The following KCNQ1 variants were observed in gnomAD, a reference collection of about 807,000 sequenced individuals.
The protein encoded by KCNQ1 is potassium voltage-gated channel subfamily KQT member 1.
KCNQ1 carries 49 observed loss-of-function variants against 72.4 expected under a neutral mutation model. The ratio of observed to expected loss-of-function variants is 0.68; its 90% CI spans 0.54 to 0.86. The LOEUF is 0.86. Ranked by LOEUF, KCNQ1 falls within the 40% of genes least tolerant of loss-of-function variation. KCNQ1 has a pLI of 0.00. For missense variants in KCNQ1, 790 were observed against 945.1 expected (o/e 0.84, Z 2.15); for synonymous variants, 450 against 412.6 (o/e 1.09, Z -1.10).
Position 2,608,307 on chromosome 11 carries a change from T to G in KCNQ1, c.1393+19453T>G. Reference sequence around the variant, plus strand: ...TCTCTTTAACTTATTACAGATCCATTCACATTTTCTACTTATTTCTTAGTC... The same window carrying G: ...TCTCTTTAACTTATTACAGATCCATGCACATTTTCTACTTATTTCTTAGTC... On this transcript the variant is annotated intron_variant, in intron 10 of 15. Transcript: ENST00000155840. The surrounding 1 kb of genome is among the most constrained non-coding windows in gnomAD (Gnocchi z 4.6). 1 of 398,376 alleles carries G rather than the reference T, an allele frequency of 2.5e-6. No individual in the cohort carries two copies. Among genetic ancestry groups the G allele is most frequent in the Non-Finnish European group, 4.4e-6 (1 of 225,994 alleles). The allele number at this position is 398,376 out of a possible 1,614,324, so 24.7% of individuals were successfully genotyped here. A position where few individuals can be genotyped will look rare whatever the true frequency, so the allele number is the denominator to read the frequency against.
intron 15 of KCNQ1, among the ~76,000 whole-genome samples, chr11:2,840,987 CTCTGGGA>C (rs1017671838): frequency 2.0e-5 from 3 of 152,074 alleles, no homozygotes; most frequent in African/African-American, 7.3e-5. Flanking sequence ...AGGCTCCAGG[CTCTGGGA>C]GACTGTCTAG....
At chr11:2,806,427 C>T (rs953148035) in intron 15 of KCNQ1, among the ~76,000 whole-genome samples, 1 of 152,190 alleles carries the variant, frequency 6.6e-6, no homozygotes, top group Non-Finnish European at 1.5e-5. Context: ...GGCCACTGTG[C>T]CCAGTGAAGC....
intron 10 of KCNQ1, chr11:2,610,202 C>T (rs1848956358): frequency 5.0e-6 from 2 of 397,826 alleles, no homozygotes; most frequent in East Asian, 3.6e-5. Flanking sequence ...CTAGGGCTTA[C>T]CTTATGTATC....
intron 1 of KCNQ1, among the ~76,000 whole-genome samples, chr11:2,514,681 C>G (rs189358518): frequency 6.6e-6 from 1 of 152,316 alleles, no homozygotes; most frequent in East Asian, 1.9e-4. Context: ...AAAAAATTAG[C>G]CCGGCGTGGT....
rs147991756 is a variant in KCNQ1, at chr11:2,683,944, C to T, written c.1514+21863C>T. On this transcript the variant is annotated intron_variant, in intron 11 of 15. Coordinates refer to ENST00000155840, the MANE Select transcript of KCNQ1 (RefSeq NM_000218.3). This position sits in a 1 kb window ranked among gnomAD's most constrained non-coding sequence, Gnocchi z 4.7. Reference sequence around the variant, plus strand: ...GACACGTTTCATAGTCAGACAAAACCAGCTGACTGCTTTTACTTTTTTTTT... The same window carrying T: ...GACACGTTTCATAGTCAGACAAAACTAGCTGACTGCTTTTACTTTTTTTTT... The T allele has an allele frequency of 1.3e-3, 501 of 396,930 alleles. 2 individuals carry two copies. In the East Asian group the frequency reaches 0.016, roughly 12 times the overall value. The allele number at this position is 396,930 out of a possible 1,614,324, so 24.6% of individuals were successfully genotyped here.
rs1414388830 is a variant in KCNQ1, at chr11:2,464,331, T to G, written c.386+18847T>G. 6.6e-6 allele frequency among the ~76,000 whole-genome samples: 1 copy of G among 152,238 alleles called. No individual in the cohort carries two copies. The highest frequency in any genetic ancestry group is 1.5e-5 in the Non-Finnish European group (1 of 68,048). ...CATCTGAATTTTCTAATTAAAAATA[T>G]ATTGCTTTTTAAAAATAATAAAAGA... is the stretch of plus-strand genomic sequence containing the variant. On this transcript the variant is annotated intron_variant, in intron 1 of 15. Transcript: ENST00000155840. The surrounding 1 kb of genome is among the most constrained non-coding windows in gnomAD (Gnocchi z 5.0).
rs1239653974 is a variant in KCNQ1 at position 2,617,983 on chromosome 11, T to C, written c.1393+29129T>C. The stretch of plus-strand genomic sequence containing the variant: ...CAAATATTTTCTTCTAGTCCATAGG[T>C]TGCCTTTTCCTTTTGTTGACTGTTT... On this transcript the variant is annotated intron_variant, in intron 10 of 15. Transcript: ENST00000155840. This position sits in a 1 kb window ranked among gnomAD's most constrained non-coding sequence, Gnocchi z 4.6. 2 of 398,490 alleles carry C rather than the reference T, an allele frequency of 5.0e-6. No individual in the cohort carries two copies. The highest frequency in any genetic ancestry group is 8.8e-6 in the Non-Finnish European group (2 of 226,064). The allele number at this position is 398,490 out of a possible 1,614,324, so 24.7% of individuals were successfully genotyped here.
In KCNQ1 at chr11:2,544,258, ATGTG is replaced by A. The variant is rs1353910599; in HGVS notation, c.477+16250_477+16253del. ...TATATGTGTGTGTGTGTATATATAT[ATGTG>A]TGTGTGTGTATATATATGTGTATAT... On this transcript the variant is annotated intron_variant, in intron 2 of 15. Coordinates refer to ENST00000155840, the MANE Select transcript of KCNQ1 (RefSeq NM_000218.3). The surrounding 1 kb of genome is among the most constrained non-coding windows in gnomAD (Gnocchi z 4.4). Among the ~76,000 whole-genome samples, 2 of 86,628 alleles carry A rather than the reference ATGTG, an allele frequency of 2.3e-5. No individual in the cohort carries two copies. The highest frequency in any genetic ancestry group is 4.2e-5 in the Non-Finnish European group (2 of 47,190). 56.8% of individuals were successfully genotyped at this position (86,628 alleles called of 152,430 possible).
At chr11:2,705,241 C>T (rs1850886445) in intron 11 of KCNQ1, among the ~76,000 whole-genome samples, 1 of 152,178 alleles carries the variant, frequency 6.6e-6, no homozygotes, top group Admixed American at 6.5e-5. Context: ...TCAGTGATAA[C>T]GTGAGGCCAG....
At chr11:2,455,889 C>G (rs1846185293) in intron 1 of KCNQ1, among the ~76,000 whole-genome samples, 1 of 152,178 alleles carries the variant, frequency 6.6e-6, no homozygotes, top group Non-Finnish European at 1.5e-5. Flanking sequence ...AGAAATAAAG[C>G]CACACACCTA....
intron 6 of KCNQ1, among the ~76,000 whole-genome samples, chr11:2,577,162 T>C (rs1339774446): frequency 2.0e-5 from 3 of 152,192 alleles, no homozygotes; most frequent in African/African-American, 7.2e-5. Flanking sequence ...GTGGACTCAC[T>C]GTTGAGGCGT....
chr11:2,609,544 G>T, intron 10 of KCNQ1: 3 of 398,238 alleles, frequency 7.5e-6, no homozygotes, highest in Non-Finnish European at 1.3e-5. Flanking sequence ...AGTCTAGTTG[G>T]TTTATGGTGT....
In KCNQ1 at chr11:2,815,920, C is replaced by T. The variant is rs75786900; in HGVS notation, c.1795-31847C>T. ...GAAAAATTAAGCACCGCTGAGTCGC[C>T]GCACACCTGTCAGGGTGGAGGGGAC... On this transcript the variant is annotated intron_variant, in intron 15 of 15. Coordinates refer to ENST00000155840, the MANE Select transcript of KCNQ1 (RefSeq NM_000218.3). The surrounding 1 kb of genome is among the most constrained non-coding windows in gnomAD (Gnocchi z 5.4). Among the ~76,000 whole-genome samples, 585 of 152,294 alleles carry T rather than the reference C, an allele frequency of 3.8e-3. 2 individuals carry two copies. Among genetic ancestry groups the T allele is most frequent in the African/African-American group, 0.013 (535 of 41,552 alleles).
intron 11 of KCNQ1, among the ~76,000 whole-genome samples, chr11:2,702,161 G>A (rs1487097162): frequency 1.3e-5 from 2 of 152,226 alleles, no homozygotes; most frequent in Non-Finnish European, 2.9e-5. Context: ...CAGGGGAGCA[G>A]GATCCCAGGT....
chr11:2,842,903 A>G (rs1848243377), intron 15 of KCNQ1, among the ~76,000 whole-genome samples: 1 of 152,204 alleles, frequency 6.6e-6, no homozygotes, highest in South Asian at 2.1e-4. Context: ...CCTGTTTTAT[A>G]GGCAGGGAAA....
In KCNQ1 at chr11:2,715,917, G is replaced by T. The variant is rs552180594; in HGVS notation, c.1515-52927G>T. ...AGTGGGTAGAGGGGGTGGCCAGAGT[G>T]GGAACCATGGTGATGCAAACCATAA... On this transcript the variant is annotated intron_variant, in intron 11 of 15. Transcript: ENST00000155840. This position sits in a 1 kb window ranked among gnomAD's most constrained non-coding sequence, Gnocchi z 4.9. Among the ~76,000 whole-genome samples the T allele has an allele frequency of 2.0e-5, 3 of 152,324 alleles. No individual in the cohort carries two copies. The South Asian group carries it at 6.2e-4, about 32-fold the overall frequency.
chr11:2,547,045 A>C lies in KCNQ1; in HGVS notation c.477+19027A>C, dbSNP rs1847910740. On this transcript the variant is annotated intron_variant, in intron 2 of 15. Coordinates refer to ENST00000155840, the MANE Select transcript of KCNQ1 (RefSeq NM_000218.3). This position sits in a 1 kb window ranked among gnomAD's most constrained non-coding sequence, Gnocchi z 4.2. ...ATAGTTGAGTCTTATTTTGTGAGTCAAACTATTTTTCTCCTGAAAAGTACA... is the reference window on the plus strand; with the variant it reads ...ATAGTTGAGTCTTATTTTGTGAGTCCAACTATTTTTCTCCTGAAAAGTACA... Among the ~76,000 whole-genome samples, 1 of 152,216 alleles carries C rather than the reference A, an allele frequency of 6.6e-6. No homozygotes were observed. The highest frequency in any genetic ancestry group is 1.5e-5 in the Non-Finnish European group (1 of 68,042).
At chr11:2,527,048 G>T (rs987917510) in intron 1 of KCNQ1, among the ~76,000 whole-genome samples, 1 of 152,190 alleles carries the variant, frequency 6.6e-6, no homozygotes, top group African/African-American at 2.4e-5. Context: ...GGCCCTGGAG[G>T]GTACGTTTGC....
chr11:2,500,352 G>T (rs191881710), intron 1 of KCNQ1, among the ~76,000 whole-genome samples: 1 of 152,258 alleles, frequency 6.6e-6, no homozygotes, highest in East Asian at 1.9e-4. Flanking sequence ...TTAGAATGGC[G>T]ATCATTAAAA....
Sources: gnomAD v4.1 joint callset for allele counts (sites outside exome capture counted in the v4.1 genomes callset) on GRCh38, gnomAD v4.1.1 for gene constraint, Gnocchi (gnomAD v3.1) non-coding constraint, MANE v1.5 for transcripts, NCBI Gene and HGNC (gene_info 2026-07-23, HGNC 2026-07-21) for gene names.